Variants in PGAP1 observed in about 807,000 individuals in gnomAD.
PGAP1 encodes GPI inositol-deacylase.
A neutral mutation model predicts 127.0 loss-of-function variants in PGAP1; 76 were observed. The observed-to-expected ratio is 0.60, with a 90% CI of 0.50 to 0.72. The LOEUF is 0.72. Ranked by LOEUF, PGAP1 falls within the 30% of genes least tolerant of loss-of-function variation. The pLI, the probability that PGAP1 is intolerant of heterozygous loss-of-function variation, is 0.00. For synonymous variants in PGAP1, 362 were observed against 366.5 expected, an observed-to-expected ratio of 0.99 and a Z score of 0.14; for missense variants, 982 against 1,071.3, an observed-to-expected ratio of 0.92 and a Z score of 1.16.
chr2:196,904,578 A>C (rs972774836), intron 4 of PGAP1, among the ~76,000 whole-genome samples: 27 of 152,138 alleles, frequency 1.8e-4, no homozygotes, highest in African/African-American at 6.5e-4. Flanking sequence ...TCTACTAAAA[A>C]TTAGCTGGGC....
intron 20 of PGAP1, among the ~76,000 whole-genome samples, chr2:196,862,651 T>A (rs1246634720): frequency 6.6e-6 from 1 of 152,222 alleles, no homozygotes; most frequent in Non-Finnish European, 1.5e-5. Context: ...AAAATTTCTC[T>A]CTTTTGTACT....
rs1383592816 is a variant in PGAP1, at chr2:196,836,442, A to C, written c.*4792T>G. ...AAAACTAAGTTATTAACAGATAATA[A>C]ATTCATATAAGTTCTTCTGTACTCA... On this transcript the variant is annotated 3_prime_UTR_variant, in exon 27 of 27. Coordinates refer to ENST00000354764, the MANE Select transcript of PGAP1 (RefSeq NM_024989.4). 6.6e-6 allele frequency: 1 copy of C among 152,260 alleles called. No homozygotes were observed. Among genetic ancestry groups the C allele is most frequent in the Non-Finnish European group, 1.5e-5 (1 of 67,994 alleles). 9.4% of individuals were successfully genotyped at this position (152,260 alleles called of 1,614,324 possible). A position where few individuals can be genotyped will look rare whatever the true frequency, so the allele number is the denominator to read the frequency against.
intron 20 of PGAP1, among the ~76,000 whole-genome samples, chr2:196,862,713 C>T (rs1282589155): frequency 6.6e-6 from 1 of 152,160 alleles, no homozygotes; most frequent in African/African-American, 2.4e-5. Flanking sequence ...TAGAAAAGAA[C>T]CTACGTGACT....
rs142320636 is a variant in PGAP1 at position 196,916,564 on chromosome 2, T to C, written c.331A>G (p.Lys111Glu). The change falls in exon 3 of 27, where the codon AAA becomes GAA. Residue 111 changes from lysine (K) to glutamate (E), a missense_variant. By Grantham distance (56) the Lys-to-Glu change is moderately conservative. Transcript: ENST00000354764. ...VRSIGSIALR[K>E]AEDIDFKYHF... ...TACTTGAAGTCAATGTCCTCTGCTT[T>C]TCTAAGTGCAATGGAGCCAATAGAA... is the stretch of plus-strand genomic sequence containing the variant. 1.3e-3 allele frequency: 2,063 copies of C among 1,612,328 alleles called. 2 individuals carry two copies. Among genetic ancestry groups the C allele is most frequent in the Non-Finnish European group, 1.6e-3 (1,874 of 1,179,302 alleles).
chr2:196,854,866 C>A (rs941643574), intron 20 of PGAP1, among the ~76,000 whole-genome samples: 1 of 152,122 alleles, frequency 6.6e-6, no homozygotes, highest in Admixed American at 6.5e-5. Flanking sequence ...CAACCTTGAA[C>A]ACCTGGGCTC....
intron 3 of PGAP1, among the ~76,000 whole-genome samples, chr2:196,914,424 C>T (rs967823222): frequency 2.0e-5 from 3 of 152,058 alleles, no homozygotes; most frequent in Non-Finnish European, 2.9e-5. Context: ...AGTTCGAGAC[C>T]AGCCTGGCTA....
At chr2:196,898,522 T>G (rs1702364281) in intron 5 of PGAP1, among the ~76,000 whole-genome samples, 153 bp from the exon 6 acceptor site, 1 of 152,190 alleles carries the variant, frequency 6.6e-6, no homozygotes, top group African/African-American at 2.4e-5. Context: ...TTATAAAAGG[T>G]GATCCAAATA....
rs540995475 is a variant in PGAP1, at chr2:196,862,319, T to C, written c.1861+2668A>G. Among the ~76,000 whole-genome samples the C allele has an allele frequency of 3.3e-5, 5 of 151,992 alleles. No homozygotes were observed. In the South Asian group the frequency reaches 1.0e-3, roughly 32 times the overall value. On this transcript the variant is annotated intron_variant, in intron 20 of 26. Coordinates refer to ENST00000354764, the MANE Select transcript of PGAP1 (RefSeq NM_024989.4). The stretch of plus-strand genomic sequence containing the variant: ...TCCCAGGCTTATTAGGAAGAGGAAA[T>C]TCCCGCCTAATAAATTTTGATCAGA...
At chr2:196,851,322 A>G (rs1214480143) in intron 20 of PGAP1, among the ~76,000 whole-genome samples, 1 of 152,170 alleles carries the variant, frequency 6.6e-6, no homozygotes, top group Non-Finnish European at 1.5e-5. Flanking sequence ...CACACACACA[A>G]AAATACTTCT....
chr2:196,875,828 T>C lies in PGAP1; in HGVS notation c.1351-7A>G. 7.6e-7 allele frequency: 1 copy of C among 1,324,102 alleles called. No individual in the cohort carries two copies. Among genetic ancestry groups the C allele is most frequent in the East Asian group, 2.3e-5 (1 of 43,172 alleles). 82.0% of individuals were successfully genotyped at this position (1,324,102 alleles called of 1,614,324 possible). On this transcript the variant is annotated splice_region_variant and splice_polypyrimidine_tract_variant and intron_variant, in intron 13 of 26. Coordinates refer to ENST00000354764, the MANE Select transcript of PGAP1 (RefSeq NM_024989.4). ...ATTCACAATCTACAACAAACTGAAA[T>C]ATAAAACATTGATTTATTAGAAAAA... is the stretch of plus-strand genomic sequence containing the variant.
chr2:196,885,995 C>G (rs1701891145), intron 10 of PGAP1, 115 bp from the exon 11 acceptor site: 1 of 538,504 alleles, frequency 1.9e-6, no homozygotes, highest in Non-Finnish European at 2.9e-6. Context: ...TGACTAGGAG[C>G]AAGTGAAACG....
intron 3 of PGAP1, among the ~76,000 whole-genome samples, chr2:196,913,707 T>C (rs1217166231): frequency 6.6e-6 from 1 of 152,206 alleles, no homozygotes; most frequent in East Asian, 1.9e-4. Context: ...CGCTTCTCAA[T>C]GAATAGACTG....
intron 8 of PGAP1, among the ~76,000 whole-genome samples, chr2:196,892,705 G>A (rs984286069): frequency 6.6e-6 from 1 of 151,938 alleles, no homozygotes; most frequent in Non-Finnish European, 1.5e-5. Flanking sequence ...GGTATAATTT[G>A]CTTTATATTT....
intron 13 of PGAP1, among the ~76,000 whole-genome samples, chr2:196,878,704 T>A (rs1298855853): frequency 2.6e-5 from 4 of 152,226 alleles, no homozygotes; most frequent in African/African-American, 9.6e-5. Context: ...AATCCTCCAA[T>A]CAAAACTTTC....
chr2:196,884,187 T>C (rs1455043244), intron 12 of PGAP1, among the ~76,000 whole-genome samples: 2 of 152,164 alleles, frequency 1.3e-5, no homozygotes, highest in Non-Finnish European at 2.9e-5. Context: ...GGATAGAACA[T>C]CCAAATTAAT....
At chr2:196,862,557 T>C (rs1701103041) in intron 20 of PGAP1, among the ~76,000 whole-genome samples, 1 of 152,196 alleles carries the variant, frequency 6.6e-6, no homozygotes, top group Non-Finnish European at 1.5e-5. Context: ...TGAAAATCTC[T>C]AATAAAAACT....
intron 10 of PGAP1, among the ~76,000 whole-genome samples, chr2:196,886,154 TCTC>T (rs1252682375): frequency 1.4e-5 from 2 of 146,936 alleles, no homozygotes; most frequent in East Asian, 2.0e-4. Flanking sequence ...TGACTGGTTA[TCTC>T]TTTTTTTTTT....
intron 7 of PGAP1, among the ~76,000 whole-genome samples, chr2:196,894,003 C>T (rs62185188): frequency 1.3e-5 from 2 of 152,134 alleles, no homozygotes. Flanking sequence ...CTTTCCAATC[C>T]CTTTGGAAGT....
In PGAP1 at chr2:196,926,619, TGCCGCCACCACCGCC is replaced by T; in HGVS notation, c.-18_-4del. ...AGATTAACTGAGTGAAGAAACATGG[TGCCGCCACCACCGCC>T]GCCGCCGCCGCCGCCCCCTCTACCT... On this transcript the variant is annotated 5_prime_UTR_variant, in exon 1 of 27. Transcript: ENST00000354764. 1 of 1,613,884 alleles carries T rather than the reference TGCCGCCACCACCGCC, an allele frequency of 6.2e-7. No individual in the cohort carries two copies. The highest frequency in any genetic ancestry group is 8.5e-7 in the Non-Finnish European group (1 of 1,179,844).
Sources: allele counts gnomAD v4.1 joint callset (sites outside exome capture counted in the v4.1 genomes callset), GRCh38; gene constraint gnomAD v4.1.1; transcripts MANE v1.5; gene names NCBI Gene and HGNC (gene_info 2026-07-23, HGNC 2026-07-21).